PGM5: variants seen among roughly 807,000 people sequenced by gnomAD.
PGM5 encodes the protein phosphoglucomutase 5.
Under a neutral mutation model 59.2 loss-of-function variants are expected in PGM5, and 23 were observed. The observed-to-expected ratio is 0.39, with a 90% confidence interval of 0.28 to 0.55. The LOEUF (loss-of-function observed/expected upper bound fraction) is 0.55, where lower values mean the gene tolerates loss of function less well. PGM5 is among the 20% of genes least tolerant of loss of function. The pLI is 0.66. For synonymous variants in PGM5, 214 were observed against 286.0 expected (o/e 0.75, Z 2.54); for missense variants, 574 against 748.3 (o/e 0.77, Z 2.72).
At chr9:68,439,716 CATAT>C (rs543306902) in intron 6 of PGM5, among the ~76,000 whole-genome samples, 1 of 148,752 alleles carries the variant, frequency 6.7e-6, no homozygotes, top group East Asian at 1.9e-4. Context: ...TACACACACA[CATAT>C]ATATATATAA....
intron 1 of PGM5, among the ~76,000 whole-genome samples, chr9:68,376,150 T>A (rs1375530705): frequency 2.0e-5 from 3 of 152,208 alleles, no homozygotes; most frequent in Non-Finnish European, 4.4e-5. Context: ...ACTTACTTTT[T>A]AATAGGACCA....
chr9:68,360,607 A>G (rs1438741153), intron 1 of PGM5, among the ~76,000 whole-genome samples: 2 of 151,294 alleles, frequency 1.3e-5, no homozygotes, highest in Admixed American at 6.6e-5. Flanking sequence ...GATGTAAAAA[A>G]ATTTATTATA....
intron 6 of PGM5, among the ~76,000 whole-genome samples, chr9:68,456,874 C>T (rs1360324815): frequency 6.6e-6 from 1 of 152,144 alleles, no homozygotes; most frequent in Non-Finnish European, 1.5e-5. Flanking sequence ...GATCTACCCT[C>T]CTCGGCCTCC....
chr9:68,530,391 G>A lies in PGM5; in HGVS notation c.*735G>A, dbSNP rs1825061510. The A allele has an allele frequency of 6.6e-6, 1 of 152,214 alleles. No individual in the cohort carries two copies. The highest frequency in any genetic ancestry group is 6.5e-5 in the Admixed American group (1 of 15,292). The allele number at this position is 152,214 out of a possible 1,614,324, so 9.4% of individuals were successfully genotyped here. On this transcript the variant is annotated 3_prime_UTR_variant, in exon 11 of 11. Transcript: ENST00000396396. ...AATTCAGCCATTCAGTTGTAAAGTT[G>A]GGAAGAAGTTTCTTGACAAGACTCT...
intron 3 of PGM5, among the ~76,000 whole-genome samples, chr9:68,386,779 T>G (rs1554678880): frequency 6.6e-6 from 1 of 152,058 alleles, no homozygotes; most frequent in African/African-American, 2.4e-5. Context: ...TATTCTGAGC[T>G]TTTTGGTATG....
chr9:68,401,180 G>A (rs1322429421), intron 6 of PGM5, among the ~76,000 whole-genome samples: 1 of 152,124 alleles, frequency 6.6e-6, no homozygotes, highest in African/African-American at 2.4e-5. Context: ...GGAGATAGTG[G>A]TTAAATCCTC....
intron 10 of PGM5, among the ~76,000 whole-genome samples, chr9:68,522,335 T>C (rs1416052742): frequency 6.6e-6 from 1 of 151,922 alleles, no homozygotes; most frequent in Non-Finnish European, 1.5e-5. Context: ...AAGGAAACAA[T>C]GGGGATGAGA....
At chr9:68,451,937 A>G (rs1489822367) in intron 6 of PGM5, among the ~76,000 whole-genome samples, 2 of 152,240 alleles carry the variant, frequency 1.3e-5, no homozygotes, top group Non-Finnish European at 2.9e-5. Context: ...AGATGGCATT[A>G]AAGTGTTCTG....
chr9:68,460,701 C>T (rs1450389542), intron 6 of PGM5, among the ~76,000 whole-genome samples: 1 of 152,126 alleles, frequency 6.6e-6, no homozygotes, highest in Non-Finnish European at 1.5e-5. Flanking sequence ...TTTAACAGCC[C>T]TTTTAACAAC....
At chr9:68,435,684 G>A (rs1430117163) in intron 6 of PGM5, among the ~76,000 whole-genome samples, 1 of 152,154 alleles carries the variant, frequency 6.6e-6, no homozygotes, top group Admixed American at 6.5e-5. Flanking sequence ...GGACATTTGG[G>A]TTGTTTATAT....
chr9:68,462,386 T>C (rs1177683324), intron 6 of PGM5, among the ~76,000 whole-genome samples: 1 of 152,140 alleles, frequency 6.6e-6, no homozygotes, highest in Admixed American at 6.6e-5. Context: ...AATCCCAAGT[T>C]CAGGAGAGGG....
At chr9:68,364,881 A>G (rs1834649715) in intron 1 of PGM5, among the ~76,000 whole-genome samples, 1 of 150,880 alleles carries the variant, frequency 6.6e-6, no homozygotes, top group South Asian at 2.1e-4. Context: ...TAATGTGTCC[A>G]GAGACCCAGA....
intron 10 of PGM5, among the ~76,000 whole-genome samples, chr9:68,512,337 G>A (rs1824763213): frequency 6.6e-6 from 1 of 152,152 alleles, no homozygotes; most frequent in Non-Finnish European, 1.5e-5. Flanking sequence ...TTCTGAATAG[G>A]CCCAGAGAGT....
chr9:68,484,587 CAAACAA>C (rs1554687412), intron 9 of PGM5, among the ~76,000 whole-genome samples: 27 of 142,506 alleles, frequency 1.9e-4, no homozygotes, highest in African/African-American at 6.9e-4. Flanking sequence ...CAAAACAAAA[CAAACAA>C]AAAACAAAAA....
At chr9:68,422,449 TTTGTTTTGTTTTG>T (rs1475306314) in intron 6 of PGM5, among the ~76,000 whole-genome samples, 6 of 150,204 alleles carry the variant, frequency 4.0e-5, no homozygotes, top group African/African-American at 1.5e-4. Flanking sequence ...TGTTTTGTTT[TTTGTTTTGTTTTG>T]TTTTTTGTTT....
At chr9:68,415,915 C>A (rs1186279148) in intron 6 of PGM5, among the ~76,000 whole-genome samples, 3 of 150,990 alleles carry the variant, frequency 2.0e-5, no homozygotes, top group Non-Finnish European at 4.4e-5. Context: ...GAATTAATCC[C>A]ATCCTCTTTC....
rs1279446331 is a variant in PGM5, at chr9:68,357,147, C to A, written c.20C>A (p.Pro7Gln). MEGSPI[P>Q]VLTVPTAPYE... is the part of the protein sequence containing the mutation. ...GGCGCCATGGAGGGGAGCCCCATCC[C>A]GGTGCTGACAGTGCCCACCGCGCCC... Residue 7 changes from proline (P) to glutamine (Q), a missense_variant, in exon 1 of 11, where the codon CCG (proline) becomes CAG (glutamine). Physicochemically the swap from Pro to Gln is moderately conservative, Grantham distance 76. Transcript: ENST00000396396. 3 of 1,531,912 alleles carry A rather than the reference C, an allele frequency of 2.0e-6. No individual in the cohort carries two copies. The highest frequency in any genetic ancestry group is 2.6e-6 in the Non-Finnish European group (3 of 1,143,894). 94.9% of individuals were successfully genotyped at this position (1,531,912 alleles called of 1,614,324 possible).
chr9:68,489,621 C>T (rs914198289), intron 9 of PGM5, among the ~76,000 whole-genome samples: 8 of 151,966 alleles, frequency 5.3e-5, no homozygotes, highest in East Asian at 1.9e-4. Flanking sequence ...TGCACCACCA[C>T]GCCCAGCTAA....
rs1554678696 is a variant in PGM5 at position 68,384,566 on chromosome 9, A to G, written c.571+22A>G. On this transcript the variant is annotated intron_variant, in intron 3 of 10. Coordinates refer to ENST00000396396, the MANE Select transcript of PGM5 (RefSeq NM_021965.4). ...AGAGGTAACAGAGATTTTATTTTGA[A>G]GAAGTCAGAGTAACTATGTGGATGG... The G allele has an allele frequency of 3.8e-6, 6 of 1,571,386 alleles. No homozygotes were observed. In the East Asian group the frequency reaches 9.0e-5, roughly 24 times the overall value.
Sources: allele counts gnomAD v4.1 joint callset (sites outside exome capture counted in the v4.1 genomes callset), GRCh38; gene constraint gnomAD v4.1.1; transcripts MANE v1.5; gene names NCBI Gene and HGNC (gene_info 2026-07-23, HGNC 2026-07-21).